MRPL2: variants seen among roughly 807,000 people sequenced by gnomAD.
The protein encoded by MRPL2 is mitochondrial ribosomal protein L2.
In MRPL2, 27 loss-of-function variants were observed where a neutral mutation model predicts 34.6. The observed-to-expected ratio is 0.78, with a 90% CI of 0.58 to 1.08. MRPL2 has a LOEUF of 1.08. Ranked by LOEUF, MRPL2 falls within the 50% of genes least tolerant of loss-of-function variation. The pLI is 0.00. For missense variants in MRPL2, 414 were observed against 419.3 expected, an observed-to-expected ratio of 0.99 and a Z score of 0.11; for synonymous variants, 155 against 158.0, an observed-to-expected ratio of 0.98 and a Z score of 0.14.
Position 43,056,363 on chromosome 6 carries a change from C to G in MRPL2, c.348G>C (p.Glu116Asp), listed in dbSNP as rs770217427. The change falls in exon 3 of 7, where the codon GAG becomes GAC. Residue 116 changes from glutamate to aspartate, a missense_variant. Coordinates refer to ENST00000388752, the MANE Select transcript of MRPL2 (RefSeq NM_015950.5). The part of the protein sequence containing the change: ...MIDFLRFRPE[E>D]TKSGPFEEKV... Reference sequence around the variant, plus strand: ...TCTCCTCAAAGGGTCCTGACTTGGTCTCCTCAGGCCGGAAACGCAGAAAGT... The same window carrying G: ...TCTCCTCAAAGGGTCCTGACTTGGTGTCCTCAGGCCGGAAACGCAGAAAGT... 6 of 1,614,210 alleles carry G rather than the reference C, an allele frequency of 3.7e-6. No individual in the cohort carries two copies. Among genetic ancestry groups the G allele is most frequent in the Middle Eastern group, 3.3e-4 (2 of 6,062 alleles).
rs1003370186 is a variant in MRPL2, at chr6:43,055,679, C to G, written c.632-61G>C. On this transcript the variant is annotated intron_variant, in intron 5 of 6. Transcript: ENST00000388752. The stretch of plus-strand genomic sequence containing the variant: ...ACAGGGGGGTGCAGAGGGACTTACA[C>G]AGGGGACATACCCCACATGCTGCCC... 15 of 1,579,932 alleles carry G rather than the reference C, an allele frequency of 9.5e-6. No homozygotes were observed. The East Asian group carries it at 3.1e-4, about 33-fold the overall frequency.
Position 43,059,347 on chromosome 6 carries a change from G to A in MRPL2, c.35C>T (p.Ser12Phe), listed in dbSNP as rs1359318624. The A allele has an allele frequency of 1.3e-6, 2 of 1,552,362 alleles. No homozygotes were observed. Among genetic ancestry groups the A allele is most frequent in the Non-Finnish European group, 8.7e-7 (1 of 1,147,632 alleles). The change falls in exon 1 of 7, where the codon TCT (serine) becomes TTT (phenylalanine). Residue 12 changes from serine to phenylalanine, a missense_variant. Coordinates refer to ENST00000388752, the MANE Select transcript of MRPL2 (RefSeq NM_015950.5). Reference protein sequence around the residue: ...ALCALTRALRSLNLAPPTVAA... With the variant: ...ALCALTRALRFLNLAPPTVAA... The stretch of plus-strand genomic sequence containing the variant: ...GACGGTCGGGGGCGCCAGGTTCAGA[G>A]AGCGCAGAGCGCGGGTCAGTGCGCA...
chr6:43,055,131 A>C (rs1488485866), intron 6 of MRPL2, among the ~76,000 whole-genome samples: 4 of 151,050 alleles, frequency 2.6e-5, no homozygotes, highest in African/African-American at 9.8e-5. Context: ...TTGGGAGGCC[A>C]AGGTGGGCGG....
In MRPL2 at chr6:43,056,428, C is replaced by T. The variant is rs1245884998; in HGVS notation, c.283G>A (p.Gly95Ser). The T allele has an allele frequency of 6.2e-7, 1 of 1,614,058 alleles. No homozygotes were observed. The highest frequency in any genetic ancestry group is 1.7e-5 in the Admixed American group (1 of 60,008). ...CGTTGCTTGTGGCCCCCGCCAATACCATGCACCCGGATTCGGCCTGTGGTT... is the reference window on the plus strand; with the variant it reads ...CGTTGCTTGTGGCCCCCGCCAATACTATGCACCCGGATTCGGCCTGTGGTT... The part of the protein sequence containing the change: ...RDHTGRIRVH[G>S]IGGGHKQRYR... Residue 95 changes from glycine to serine, a missense_variant, in exon 3 of 7, where the codon GGT becomes AGT. Coordinates refer to ENST00000388752, the MANE Select transcript of MRPL2 (RefSeq NM_015950.5).
At chr6:43,055,507 C>T (rs1283911936) in intron 6 of MRPL2, 38 bp downstream of exon 6, 2 of 1,597,982 alleles carry the variant, frequency 1.3e-6, no homozygotes, top group Non-Finnish European at 1.7e-6. Context: ...CCAAAAATTC[C>T]TCCTTTGCTG....
chr6:43,056,290 C>G lies in MRPL2; in HGVS notation c.404+17G>C, dbSNP rs1282784793. On this transcript the variant is annotated intron_variant, in intron 3 of 6. Transcript: ENST00000388752. Reference sequence around the variant, plus strand: ...TTATTCAGACCATTCCATCATCATCCCACATCCCAAACTTGCCTACAGGGA... The same window carrying G: ...TTATTCAGACCATTCCATCATCATCGCACATCCCAAACTTGCCTACAGGGA... 6.2e-7 allele frequency: 1 copy of G among 1,614,134 alleles called. No individual in the cohort carries two copies. The highest frequency in any genetic ancestry group is 8.5e-7 in the Non-Finnish European group (1 of 1,180,004).
In MRPL2 at chr6:43,056,462, T is replaced by C. The variant is rs999768055; in HGVS notation, c.266-17A>G. ...GGATTCGGCCTGTGGTTTAGGACAGTTGGGGGATATGATTCAGGTCAGAGT... is the reference window on the plus strand; with the variant it reads ...GGATTCGGCCTGTGGTTTAGGACAGCTGGGGGATATGATTCAGGTCAGAGT... On this transcript the variant is annotated splice_polypyrimidine_tract_variant and intron_variant, in intron 2 of 6. Coordinates refer to ENST00000388752, the MANE Select transcript of MRPL2 (RefSeq NM_015950.5). 2 of 1,613,874 alleles carry C rather than the reference T, an allele frequency of 1.2e-6. No homozygotes were observed. The highest frequency in any genetic ancestry group is 2.2e-5 in the East Asian group (1 of 44,866).
At chr6:43,056,059 A>C in intron 4 of MRPL2, 22 bp downstream of exon 4, 1 of 1,614,060 alleles carries the variant, frequency 6.2e-7, no homozygotes, top group Non-Finnish European at 8.5e-7. Context: ...TCCAGCCCAC[A>C]CATCTGGTAG....
At chr6:43,059,850 GAT>G, upstream of MRPL2, 1 of 1,191,328 alleles carries the variant, frequency 8.4e-7, no homozygotes, top group Non-Finnish European at 1.0e-6. Flanking sequence ...CGTCCAGACA[GAT>G]AGACAGACGA....
In MRPL2 at chr6:43,054,140, C is replaced by G. The variant is rs1764714733; in HGVS notation, c.*134G>C. On this transcript the variant is annotated 3_prime_UTR_variant, in exon 7 of 7. Transcript: ENST00000388752. ...TCTTCCACACTTTTTACTTCTTTTC[C>G]CCACGTTTAGTCTGTACCATCCCCT... 2.7e-6 allele frequency: 2 copies of G among 749,432 alleles called. No homozygotes were observed. The highest frequency in any genetic ancestry group is 4.3e-6 in the Non-Finnish European group (2 of 465,652). 46.4% of individuals were successfully genotyped at this position (749,432 alleles called of 1,614,324 possible).
intron 2 of MRPL2, among the ~76,000 whole-genome samples, chr6:43,056,820 G>C (rs1443930771): frequency 6.6e-6 from 1 of 151,878 alleles, no homozygotes; most frequent in Non-Finnish European, 1.5e-5. Context: ...GACTACAGGT[G>C]CCCACCACCA....
Position 43,055,907 on chromosome 6 carries a change from G to A in MRPL2, c.621C>T (p.Ile207=). The A allele has an allele frequency of 2.5e-6, 4 of 1,613,062 alleles. No individual in the cohort carries two copies. In the South Asian group the frequency reaches 4.4e-5, roughly 18 times the overall value. The change falls in exon 5 of 7, where the codon ATC becomes ATT. Residue 207 remains isoleucine, a synonymous_variant. Transcript: ENST00000388752. ...ESEPGRGAQY[I]RAAGTCGVLL... is the part of the protein sequence containing the mutation. Reference sequence around the variant, plus strand: ...CTCCTTTCCCCATACCTGCAGCTCGGATATATTGGGCACCCCGGCCTGGCT... The same window carrying A: ...CTCCTTTCCCCATACCTGCAGCTCGAATATATTGGGCACCCCGGCCTGGCT...
intron 6 of MRPL2, 54 bp downstream of exon 6, chr6:43,055,491 T>C (rs1764824889): frequency 6.4e-7 from 1 of 1,570,642 alleles, no homozygotes; most frequent in African/African-American, 1.4e-5. Context: ...ACAGGAAAGT[T>C]ACATTCCAAA....
rs777627121 is a variant in MRPL2 at position 43,054,491 on chromosome 6, C to T, written c.706-5G>A. 6.2e-7 allele frequency: 1 copy of T among 1,612,886 alleles called. No individual in the cohort carries two copies. Among genetic ancestry groups the T allele is most frequent in the South Asian group, 1.1e-5 (1 of 91,046 alleles). On this transcript the variant is annotated splice_region_variant and splice_polypyrimidine_tract_variant and intron_variant, in intron 6 of 6. Transcript: ENST00000388752. ...TGCTACGCACGTTTCCAGCACCTGA[C>T]AGAGAAAACAGATGGAGATTCTGTA...
Position 43,059,407 on chromosome 6 carries a change from AAGC to A in MRPL2, c.-29_-27del. 1 of 1,523,192 alleles carries A rather than the reference AAGC, an allele frequency of 6.6e-7. No homozygotes were observed. Among genetic ancestry groups the A allele is most frequent in the Non-Finnish European group, 8.9e-7 (1 of 1,129,424 alleles). The allele number at this position is 1,523,192 out of a possible 1,614,324, so 94.4% of individuals were successfully genotyped here. On this transcript the variant is annotated 5_prime_UTR_variant, in exon 1 of 7. It adds an upstream start codon to the 5' untranslated region. Transcript: ENST00000388752. ...CAGCACGACACCCTTACTTTTAGCC[AAGC>A]TGCTCGGTGCTCCTAGATGACGTTG... is the stretch of plus-strand genomic sequence containing the variant.
At chr6:43,055,331 C>G (rs1255178952) in intron 6 of MRPL2, among the ~76,000 whole-genome samples, 1 of 152,094 alleles carries the variant, frequency 6.6e-6, no homozygotes, top group Non-Finnish European at 1.5e-5. Context: ...TGCACTCCAG[C>G]CTGGGCGACA....
In MRPL2 at chr6:43,054,246, G is replaced by GT; in HGVS notation, c.*27_*28insA. The GT allele has an allele frequency of 7.2e-7, 1 of 1,392,764 alleles. No homozygotes were observed. The allele number at this position is 1,392,764 out of a possible 1,614,324, so 86.3% of individuals were successfully genotyped here. A position where few individuals can be genotyped will look rare whatever the true frequency, so the allele number is the denominator to read the frequency against. On this transcript the variant is annotated 3_prime_UTR_variant, in exon 7 of 7. Coordinates refer to ENST00000388752, the MANE Select transcript of MRPL2 (RefSeq NM_015950.5). Reference sequence around the variant, plus strand: ...ACAGTAACAGATTAAAACGGGGGGGGGGGGCATTTTATTAGAGTACAGGGA... The same window carrying GT: ...ACAGTAACAGATTAAAACGGGGGGGGTGGGGCATTTTATTAGAGTACAGGGA...
chr6:43,059,634 G>A, upstream of MRPL2: 1 of 1,393,238 alleles, frequency 7.2e-7, no homozygotes, highest in Non-Finnish European at 9.3e-7. Context: ...AGCCATCATG[G>A]ATTTAAAGGG....
At position 43,056,398 on chromosome 6, in the gene MRPL2, G is replaced by C; in HGVS notation, c.313C>G (p.Arg105Gly). The C allele has an allele frequency of 6.2e-7, 1 of 1,614,116 alleles. No individual in the cohort carries two copies. Among genetic ancestry groups the C allele is most frequent in the Non-Finnish European group, 8.5e-7 (1 of 1,180,024 alleles). ...CGGAAACGCAGAAAGTCAATCATTCGATAACGTTGCTTGTGGCCCCCGCCA... is the reference window on the plus strand; with the variant it reads ...CGGAAACGCAGAAAGTCAATCATTCCATAACGTTGCTTGTGGCCCCCGCCA... The part of the protein sequence containing the change: ...GIGGGHKQRY[R>G]MIDFLRFRPE... Residue 105 changes from arginine (R) to glycine (G), a missense_variant, in exon 3 of 7, where the codon CGA (arginine) becomes GGA (glycine). Physicochemically the swap from Arg to Gly is moderately radical, Grantham distance 125 (BLOSUM62 -2). Coordinates refer to ENST00000388752, the MANE Select transcript of MRPL2 (RefSeq NM_015950.5).
Sources: allele counts gnomAD v4.1 joint callset (sites outside exome capture counted in the v4.1 genomes callset), GRCh38; gene constraint gnomAD v4.1.1; transcripts MANE v1.5; gene names NCBI Gene and HGNC (gene_info 2026-07-23, HGNC 2026-07-21).